CAMTA1: variants seen among roughly 807,000 people sequenced by gnomAD.
CAMTA1 encodes the protein calmodulin binding transcription activator 1.
A neutral mutation model predicts 170.9 loss-of-function variants in CAMTA1; 27 were observed. The observed-to-expected ratio is 0.16, with a 90% CI of 0.12 to 0.22. CAMTA1 has a LOEUF of 0.22. Among genes scored for constraint, CAMTA1 ranks in the 10% least tolerant of loss-of-function variants. The probability of loss-of-function intolerance (pLI) is 1.00; values close to 1 mark genes in which losing one functional copy is unlikely to be tolerated. For missense variants in CAMTA1, 1,619 were observed against 2,217.2 expected (o/e 0.73, Z 5.42); for synonymous variants, 833 against 891.5 (o/e 0.93, Z 1.17).
rs374288377 is a variant in CAMTA1 at position 7,424,864 on chromosome 1, T to A, written c.439-42966T>A. 2.6e-4 allele frequency among the ~76,000 whole-genome samples: 39 copies of A among 151,984 alleles called. No homozygotes were observed. In the East Asian group the frequency reaches 6.6e-3, roughly 26 times the overall value. ...CCGCTCCACTCTGACATAAAGATAA[T>A]AATGTGTGGGTTTGTCATGGTGGCG... On this transcript the variant is annotated intron_variant, in intron 5 of 22. Coordinates refer to ENST00000303635, the MANE Select transcript of CAMTA1 (RefSeq NM_015215.4).
chr1:7,442,839 A>G (rs1032328419), intron 5 of CAMTA1, among the ~76,000 whole-genome samples: 3 of 152,092 alleles, frequency 2.0e-5, no homozygotes, highest in Non-Finnish European at 4.4e-5. Context: ...GTATTTAGAG[A>G]TTGGCAAGGA....
rs565846447 is a variant in CAMTA1 at position 6,842,473 on chromosome 1, A to G, written c.234+17263A>G. ...CTGGGCCCTACCACAAACTAATTCA[A>G]CTGGAGTCTCAGGGATAGGGCCCAA... is the stretch of plus-strand genomic sequence containing the variant. On this transcript the variant is annotated intron_variant, in intron 3 of 22. Transcript: ENST00000303635. Among the ~76,000 whole-genome samples the G allele has an allele frequency of 8.5e-5, 13 of 152,268 alleles. No homozygotes were observed. The South Asian group carries it at 2.3e-3, about 27-fold the overall frequency.
intron 6 of CAMTA1, among the ~76,000 whole-genome samples, chr1:7,548,461 C>T (rs1460925230): frequency 6.0e-5 from 9 of 150,010 alleles, no homozygotes; most frequent in African/African-American, 1.7e-4. Context: ...GAGGGTGCCC[C>T]CTTAGGAGTG....
intron 5 of CAMTA1, among the ~76,000 whole-genome samples, chr1:7,346,700 C>T (rs1426861545): frequency 6.6e-6 from 1 of 152,200 alleles, no homozygotes; most frequent in Non-Finnish European, 1.5e-5. Flanking sequence ...CTGTCATTCT[C>T]CCAGCTCCAT....
At chr1:6,881,518 T>C (rs1180108510) in intron 3 of CAMTA1, among the ~76,000 whole-genome samples, 3 of 152,036 alleles carry the variant, frequency 2.0e-5, no homozygotes, top group Admixed American at 2.0e-4. Flanking sequence ...AGGAGGCCTG[T>C]GTTGCTGTGC....
intron 6 of CAMTA1, among the ~76,000 whole-genome samples, chr1:7,600,150 AG>A (rs533463741): frequency 0.019 from 2,844 of 152,296 alleles, 104 homozygotes; most frequent in African/African-American, 0.065. Flanking sequence ...TTCAGCATGA[AG>A]GGTTGTTGAA....
At chr1:7,464,440 G>T (rs958584885) in intron 5 of CAMTA1, among the ~76,000 whole-genome samples, 1 of 152,274 alleles carries the variant, frequency 6.6e-6, no homozygotes, top group Non-Finnish European at 1.5e-5. Context: ...TTCGCCACAC[G>T]GCCTCATGGA....
intron 1 of CAMTA1, among the ~76,000 whole-genome samples, chr1:6,793,709 C>T (rs1009130662): frequency 2.0e-5 from 3 of 151,982 alleles, no homozygotes; most frequent in Admixed American, 6.6e-5. Flanking sequence ...ATTCTTTCAA[C>T]GTAGAGAGAG....
chr1:7,482,632 G>T lies in CAMTA1; in HGVS notation c.510+14731G>T, dbSNP rs1047206415. Among the ~76,000 whole-genome samples the T allele has an allele frequency of 1.6e-4, 25 of 152,308 alleles. No homozygotes were observed. The highest frequency in any genetic ancestry group is 6.0e-4 in the African/African-American group (25 of 41,572). Reference sequence around the variant, plus strand: ...GTGACCCTGGTGACACCAGGCATGAGAATTCTCTGTGAGCTTAGCTTGGAG... The same window carrying T: ...GTGACCCTGGTGACACCAGGCATGATAATTCTCTGTGAGCTTAGCTTGGAG... On this transcript the variant is annotated intron_variant, in intron 6 of 22. Coordinates refer to ENST00000303635, the MANE Select transcript of CAMTA1 (RefSeq NM_015215.4). The surrounding 1 kb of genome is among the most constrained non-coding windows in gnomAD (Gnocchi z 4.2).
chr1:7,755,699 C>T (rs1268724554), intron 22 of CAMTA1, 31 bp downstream of exon 22: 1 of 1,607,630 alleles, frequency 6.2e-7, no homozygotes, highest in Non-Finnish European at 8.5e-7. Flanking sequence ...GCCAGTTTCT[C>T]TTCTCTTCCA....
At position 6,980,196 on chromosome 1, in the gene CAMTA1, G is replaced by A. The variant is rs559307349; in HGVS notation, c.235-111108G>A. ...TGTGCTGAAGTCTCGCCTGTTGGGG[G>A]CCTACAAGTCGGGGTGGAGTCGAGG... On this transcript the variant is annotated intron_variant, in intron 3 of 22. Coordinates refer to ENST00000303635, the MANE Select transcript of CAMTA1 (RefSeq NM_015215.4). Among the ~76,000 whole-genome samples, 10 of 152,304 alleles carry A rather than the reference G, an allele frequency of 6.6e-5. No homozygotes were observed. The East Asian group carries it at 1.7e-3, about 26-fold the overall frequency.
intron 5 of CAMTA1, among the ~76,000 whole-genome samples, chr1:7,421,462 G>A (rs2091555200): frequency 6.6e-6 from 1 of 152,124 alleles, no homozygotes; most frequent in Non-Finnish European, 1.5e-5. Flanking sequence ...CCTATTGGTT[G>A]AATATTTTTA....
intron 3 of CAMTA1, among the ~76,000 whole-genome samples, chr1:7,048,955 A>G (rs1705851287): frequency 6.6e-6 from 1 of 152,152 alleles, no homozygotes; most frequent in Admixed American, 6.5e-5. Flanking sequence ...ATTAGTTTAA[A>G]ATTAAACTTA....
chr1:7,725,454 G>A (rs1421392227), intron 11 of CAMTA1, among the ~76,000 whole-genome samples: 1 of 152,246 alleles, frequency 6.6e-6, no homozygotes, highest in Admixed American at 6.5e-5. Flanking sequence ...TGGGGTGCTT[G>A]AGAAGAAAAT....
chr1:7,760,263 C>T (rs1194800374), intron 22 of CAMTA1, among the ~76,000 whole-genome samples: 3 of 152,196 alleles, frequency 2.0e-5, no homozygotes, highest in Non-Finnish European at 4.4e-5. Context: ...GTAGGGGTCT[C>T]AACAGAGCAG....
At position 7,736,918 on chromosome 1, in the gene CAMTA1, C is replaced by T. The variant is rs2096776922; in HGVS notation, c.3264-13C>T. The T allele has an allele frequency of 6.2e-7, 1 of 1,605,844 alleles. No homozygotes were observed. Among genetic ancestry groups the T allele is most frequent in the Non-Finnish European group, 8.5e-7 (1 of 1,174,266 alleles). On this transcript the variant is annotated splice_polypyrimidine_tract_variant and intron_variant, in intron 13 of 22. Coordinates refer to ENST00000303635, the MANE Select transcript of CAMTA1 (RefSeq NM_015215.4). The surrounding 1 kb of genome is among the most constrained non-coding windows in gnomAD (Gnocchi z 4.5). ...GTGAATAGTGTGGTAATTTCTGGTG[C>T]TCTCCCTTATAGTACAAAGCACGCG...
At position 7,327,417 on chromosome 1, in the gene CAMTA1, A is replaced by G. The variant is rs534272518; in HGVS notation, c.438+77791A>G. ...GTGAGACTCCATCTCAAAAAAAAAA[A>G]AAAAAAAAGAAAAAAGACCAGGAGG... is the stretch of plus-strand genomic sequence containing the variant. On this transcript the variant is annotated intron_variant, in intron 5 of 22. Transcript: ENST00000303635. Among the ~76,000 whole-genome samples the G allele has an allele frequency of 1.2e-4, 18 of 151,668 alleles. No individual in the cohort carries two copies. In the East Asian group the frequency reaches 2.3e-3, roughly 20 times the overall value.
intron 1 of CAMTA1, among the ~76,000 whole-genome samples, chr1:6,806,381 G>GT (rs1250172737): frequency 6.6e-6 from 1 of 152,188 alleles, no homozygotes; most frequent in Non-Finnish European, 1.5e-5. Context: ...GGATCAGCTT[G>GT]TTAGTTTCCA....
At chr1:7,307,033 A>T (rs1675700484) in intron 5 of CAMTA1, among the ~76,000 whole-genome samples, 1 of 152,096 alleles carries the variant, frequency 6.6e-6, no homozygotes, top group African/African-American at 2.4e-5. Flanking sequence ...GTGGATTTTT[A>T]TATCCACAGG....
Sources: gnomAD v4.1 joint callset for allele counts (sites outside exome capture counted in the v4.1 genomes callset) on GRCh38, gnomAD v4.1.1 for gene constraint, Gnocchi (gnomAD v3.1) non-coding constraint, MANE v1.5 for transcripts, NCBI Gene and HGNC (gene_info 2026-07-23, HGNC 2026-07-21) for gene names.